The following KLK6 variants were observed in gnomAD, a reference collection of about 807,000 sequenced individuals.
KLK6 encodes kallikrein-6.
A neutral mutation model predicts 21.7 loss-of-function variants in KLK6; 16 were observed. The ratio of observed to expected loss-of-function variants is 0.74; its 90% CI spans 0.50 to 1.12. The LOEUF (loss-of-function observed/expected upper bound fraction) is 1.12. KLK6 is among the 50% of genes most tolerant of loss of function. The probability of loss-of-function intolerance (pLI) is 0.00; values close to 1 mark genes in which losing one functional copy is unlikely to be tolerated. For synonymous variants in KLK6, 116 were observed against 120.1 expected (o/e 0.97, Z 0.22); for missense variants, 276 against 304.6 (o/e 0.91, Z 0.70).
intron 3 of KLK6, among the ~76,000 whole-genome samples, chr19:50,967,674 C>T (rs1464299171): frequency 6.6e-6 from 1 of 151,050 alleles, no homozygotes; most frequent in Non-Finnish European, 1.5e-5. Flanking sequence ...CACTACACTC[C>T]AGCCTGGGTG....
chr19:50,967,552 A>ACACACACACACACACAC (rs1555781654), intron 3 of KLK6, among the ~76,000 whole-genome samples: 9 of 50,616 alleles, frequency 1.8e-4, no homozygotes, highest in African/African-American at 1.1e-3. Context: ...CACACACACA[A>ACACACACACACACACAC]ATTAGCAGGG....
chr19:50,963,962 G>A (rs1175164144), intron 4 of KLK6, among the ~76,000 whole-genome samples: 1 of 152,114 alleles, frequency 6.6e-6, no homozygotes, highest in Non-Finnish European at 1.5e-5. Context: ...TTGGTCCTGT[G>A]CCTCCTCTGC....
In KLK6 at chr19:50,960,787, C is replaced by T. The variant is rs1467128785; in HGVS notation, c.582+957G>A. On this transcript the variant is annotated intron_variant, in intron 6 of 6. Transcript: ENST00000310157. ...TTTGTTTTTTGGTTTTTTTTTGAGACGGAATCTTGCTCTGTTGCCAGGCTG... is the reference window on the plus strand; with the variant it reads ...TTTGTTTTTTGGTTTTTTTTTGAGATGGAATCTTGCTCTGTTGCCAGGCTG... Among the ~76,000 whole-genome samples, 4 of 151,732 alleles carry T rather than the reference C, an allele frequency of 2.6e-5. No homozygotes were observed. The South Asian group carries it at 6.3e-4, about 24-fold the overall frequency.
intron 3 of KLK6, among the ~76,000 whole-genome samples, chr19:50,967,635 T>C (rs1455293049): frequency 1.3e-5 from 2 of 150,762 alleles, no homozygotes; most frequent in South Asian, 4.2e-4. Flanking sequence ...ACCCAAGAGT[T>C]CAAGTCTGCA....
At chr19:50,967,798 C>T (rs2090950832) in intron 3 of KLK6, among the ~76,000 whole-genome samples, 1 of 151,946 alleles carries the variant, frequency 6.6e-6, no homozygotes, top group South Asian at 2.1e-4. Flanking sequence ...CTCTCTCCAA[C>T]TTTCCAACCT....
intron 3 of KLK6, among the ~76,000 whole-genome samples, 191 bp from the exon 4 acceptor site, chr19:50,967,516 C>CACACACACACACAG (rs1198891028): frequency 4.3e-4 from 64 of 147,388 alleles, no homozygotes; most frequent in African/African-American, 1.6e-3. Context: ...CATCTCCACA[C>CACACACACACACAG]ACACACACAC....
chr19:50,963,585 C>A, intron 4 of KLK6, 36 bp from the exon 5 acceptor site: 1 of 1,607,652 alleles, frequency 6.2e-7, no homozygotes, highest in Non-Finnish European at 8.5e-7. Flanking sequence ...ACCTGGAGCC[C>A]TTGGGCTGCA....
At chr19:50,962,835 C>T in intron 5 of KLK6, 1 of 172,798 alleles carries the variant, frequency 5.8e-6, no homozygotes, top group South Asian at 1.4e-4. Flanking sequence ...TGATCCTTTC[C>T]CCTTAGTCCC....
intron 4 of KLK6, among the ~76,000 whole-genome samples, chr19:50,964,536 G>T (rs760925522): frequency 5.9e-5 from 9 of 152,172 alleles, no homozygotes; most frequent in Non-Finnish European, 1.3e-4. Context: ...TTGAAATGTG[G>T]CTTGTGGATT....
intron 6 of KLK6, 102 bp from the exon 7 acceptor site, chr19:50,959,418 A>C: frequency 9.8e-7 from 1 of 1,016,486 alleles, no homozygotes; most frequent in Non-Finnish European, 1.4e-6. Flanking sequence ...TGACAGAGAG[A>C]GAGGTAGAAA....
At chr19:50,960,015 A>G (rs185299218) in intron 6 of KLK6, among the ~76,000 whole-genome samples, 1,897 of 32,852 alleles carry the variant, frequency 0.058, 51 homozygotes, top group African/African-American at 0.19. Context: ...GGAAGAGGAG[A>G]AGGAGGAGGA....
At chr19:50,964,931 C>G (rs980549991) in intron 4 of KLK6, among the ~76,000 whole-genome samples, 1 of 152,224 alleles carries the variant, frequency 6.6e-6, no homozygotes, top group Admixed American at 6.5e-5. Context: ...GGTGTTATCA[C>G]AGCCTTTCCT....
At chr19:50,964,990 A>G (rs1417848710) in intron 4 of KLK6, among the ~76,000 whole-genome samples, 2 of 152,090 alleles carry the variant, frequency 1.3e-5, no homozygotes, top group African/African-American at 4.8e-5. Flanking sequence ...CTTGGATTTT[A>G]TCTCATTAGA....
chr19:50,961,365 T>A (rs989364835), intron 6 of KLK6, among the ~76,000 whole-genome samples: 21 of 147,016 alleles, frequency 1.4e-4, no homozygotes, highest in East Asian at 1.3e-3. Flanking sequence ...AGAGATAGGG[T>A]TTCACCATGT....
In KLK6 at chr19:50,969,473, T is replaced by G. The variant is rs1361357675; in HGVS notation, c.-60+17A>C. Reference sequence around the variant, plus strand: ...GCAGCCTGCCCAGGTTCAGTGCGGTTGGGGTGACTCACACACCTGCCCGTA... The same window carrying G: ...GCAGCCTGCCCAGGTTCAGTGCGGTGGGGGTGACTCACACACCTGCCCGTA... On this transcript the variant is annotated intron_variant, in intron 1 of 6. Transcript: ENST00000310157. 1 of 152,400 alleles carries G rather than the reference T, an allele frequency of 6.6e-6. No individual in the cohort carries two copies. The highest frequency in any genetic ancestry group is 1.5e-5 in the Non-Finnish European group (1 of 68,316). The allele number at this position is 152,400 out of a possible 1,614,324, so 9.4% of individuals were successfully genotyped here.
rs1233806294 is a variant in KLK6 at position 50,961,737 on chromosome 19, A to G, written c.582+7T>C. ...GCTGTGTAAGTGGCAGATCCGGGTC[A>G]CCTCACCTGGCAGGAATCCTTCCCG... On this transcript the variant is annotated splice_region_variant and intron_variant, in intron 6 of 6. Coordinates refer to ENST00000310157, the MANE Select transcript of KLK6 (RefSeq NM_002774.4). 1 of 1,612,248 alleles carries G rather than the reference A, an allele frequency of 6.2e-7. No individual in the cohort carries two copies. The highest frequency in any genetic ancestry group is 2.2e-5 in the East Asian group (1 of 44,840).
In KLK6 at chr19:50,959,054, A is replaced by C; in HGVS notation, c.*110T>G. 1 of 1,186,072 alleles carries C rather than the reference A, an allele frequency of 8.4e-7. No individual in the cohort carries two copies. Among genetic ancestry groups the C allele is most frequent in the South Asian group, 1.4e-5 (1 of 73,968 alleles). The allele number at this position is 1,186,072 out of a possible 1,614,324, so 73.5% of individuals were successfully genotyped here. A position where few individuals can be genotyped will look rare whatever the true frequency, so the allele number is the denominator to read the frequency against. Reference sequence around the variant, plus strand: ...CCTCACGTCGCTGCGTTTATTAAGCATCAGGGTCAGAGCTGGGCAGGAGAG... The same window carrying C: ...CCTCACGTCGCTGCGTTTATTAAGCCTCAGGGTCAGAGCTGGGCAGGAGAG... On this transcript the variant is annotated 3_prime_UTR_variant, in exon 7 of 7. Transcript: ENST00000310157.
chr19:50,967,050 G>T, intron 4 of KLK6, 119 bp downstream of exon 4: 2 of 1,071,660 alleles, frequency 1.9e-6, no homozygotes, highest in Non-Finnish European at 2.8e-6. Flanking sequence ...GAATGCACCT[G>T]GCTATCAGAT....
chr19:50,961,038 A>G (rs2090833773), intron 6 of KLK6, among the ~76,000 whole-genome samples: 2 of 152,064 alleles, frequency 1.3e-5, no homozygotes, highest in African/African-American at 4.8e-5. Flanking sequence ...TGCTGGGATT[A>G]CAGGCATGAG....
Sources: allele counts gnomAD v4.1 joint callset (sites outside exome capture counted in the v4.1 genomes callset), GRCh38; gene constraint gnomAD v4.1.1; transcripts MANE v1.5; gene names NCBI Gene and HGNC (gene_info 2026-07-23, HGNC 2026-07-21).